S1PR3: variants seen among roughly 807,000 people sequenced by gnomAD.
The protein encoded by S1PR3 is sphingosine 1-phosphate receptor 3.
In S1PR3, 12 loss-of-function variants were observed where a neutral mutation model predicts 13.3. The observed-to-expected ratio is 0.90, with a 90% CI of 0.58 to 1.46. The LOEUF (loss-of-function observed/expected upper bound fraction) is 1.46. S1PR3 is among the 40% of genes most tolerant of loss of function. S1PR3 has a pLI of 0.00. For missense variants in S1PR3, 450 were observed against 501.9 expected (o/e 0.90, Z 0.99); for synonymous variants, 232 against 214.0 (o/e 1.08, Z -0.73).
At position 89,001,947 on chromosome 9, in the gene S1PR3, G is replaced by A. The variant is rs1483280515; in HGVS notation, c.747G>A (p.Val249=). 4 of 1,614,190 alleles carry A rather than the reference G, an allele frequency of 2.5e-6. No individual in the cohort carries two copies. The South Asian group carries it at 4.4e-5, about 18-fold the overall frequency. ...MALLRTVVIV[V]SVFIACWSPL... ...TGCTGCGGACCGTGGTGATTGTGGT[G>A]AGCGTGTTCATCGCCTGCTGGTCCC... Residue 249 remains valine (V), a synonymous_variant, in exon 2 of 2, where the codon GTG becomes GTA. Transcript: ENST00000358157.
rs140792776 is a variant in S1PR3 at position 89,001,220 on chromosome 9, C to T, written c.20C>T (p.Pro7Leu). The stretch of plus-strand genomic sequence containing the variant: ...CAAGTGATGGCAACTGCCCTCCCGC[C>T]GCGTCTCCAGCCGGTGCGGGGGAAC... The part of the protein sequence containing the change: MATALP[P>L]RLQPVRGNET... Residue 7 changes from proline to leucine, a missense_variant, in exon 2 of 2, where the codon CCG becomes CTG. Transcript: ENST00000358157. 1.4e-5 allele frequency: 22 copies of T among 1,612,858 alleles called. No individual in the cohort carries two copies. The East Asian group carries it at 2.0e-4, about 15-fold the overall frequency.
chr9:89,000,757 T>G (rs1825855309), intron 1 of S1PR3: 2 of 180,132 alleles, frequency 1.1e-5, no homozygotes, highest in Non-Finnish European at 1.2e-5. Context: ...CATTTTCTAG[T>G]GCCTGGAGAT....
At chr9:88,991,356 G>A (rs1399635991), upstream of S1PR3, 3 of 1,191,250 alleles carry the variant, frequency 2.5e-6, no homozygotes, top group African/African-American at 1.6e-5. This position sits in a 1 kb window ranked among gnomAD's most constrained non-coding sequence, Gnocchi z 4.0. Context: ...CGGGGGACGG[G>A]GAGAGGGGGG....
rs1414912782 is a variant in S1PR3, at chr9:89,004,551, T to C, written c.*2214T>C. 6.0e-6 allele frequency: 1 copy of C among 167,130 alleles called. No homozygotes were observed. The highest frequency in any genetic ancestry group is 1.5e-5 in the Non-Finnish European group (1 of 68,130). The allele number at this position is 167,130 out of a possible 1,614,324, so 10.4% of individuals were successfully genotyped here. ...GCTTTGGGAGACTTGGAGCTCTCTG[T>C]AGCTATTGTTCATAACACTTTGCTC... On this transcript the variant is annotated 3_prime_UTR_variant, in exon 2 of 2. Transcript: ENST00000358157.
intron 1 of S1PR3, 187 bp from the exon 2 acceptor site, chr9:89,000,867 G>T: frequency 3.1e-6 from 1 of 320,604 alleles, no homozygotes; most frequent in Non-Finnish European, 5.8e-6. Flanking sequence ...ACACCAAATC[G>T]CTTCCCATGG....
intron 1 of S1PR3, chr9:88,992,365 A>G (rs2118577261): frequency 4.3e-6 from 1 of 233,308 alleles, no homozygotes; most frequent in Non-Finnish European, 8.2e-6. Context: ...TTATATTTGG[A>G]TATAAGAGAG....
In S1PR3 at chr9:89,005,113, TTTCTTAGC is replaced by T. The variant is rs1825920719; in HGVS notation, c.*2777_*2784del. Reference sequence around the variant, plus strand: ...GTTGCAGGCTTGCTACCCACCTGTGTTTCTTAGCATTTCAGGAATTAAACCACATTCAG... The same window carrying T: ...GTTGCAGGCTTGCTACCCACCTGTGTATTTCAGGAATTAAACCACATTCAG... On this transcript the variant is annotated 3_prime_UTR_variant, in exon 2 of 2. Transcript: ENST00000358157. 1 of 156,492 alleles carries T rather than the reference TTTCTTAGC, an allele frequency of 6.4e-6. No homozygotes were observed. Among genetic ancestry groups the T allele is most frequent in the Non-Finnish European group, 1.5e-5 (1 of 68,058 alleles). The allele number at this position is 156,492 out of a possible 1,614,324, so 9.7% of individuals were successfully genotyped here.
In S1PR3 at chr9:89,001,464, C is replaced by A. The variant is rs752549324; in HGVS notation, c.264C>A (p.Ala88=). ...ACCTGGCTCTCTGCGACCTGCTGGC[C>A]GGCATCGCTTACAAGGTCAACATTC... The part of the protein sequence containing the change: ...IGNLALCDLL[A]GIAYKVNILM... Residue 88 remains alanine, a synonymous_variant, in exon 2 of 2, where the codon GCC becomes GCA. Transcript: ENST00000358157. 1.7e-5 allele frequency: 27 copies of A among 1,614,076 alleles called. No homozygotes were observed. The highest frequency in any genetic ancestry group is 2.3e-5 in the Non-Finnish European group (27 of 1,180,050).
chr9:88,991,273 G>C, upstream of S1PR3: 1 of 1,540,208 alleles, frequency 6.5e-7, no homozygotes, highest in Non-Finnish European at 8.8e-7. The surrounding 1 kb of genome is among the most constrained non-coding windows in gnomAD (Gnocchi z 4.0). Flanking sequence ...CCAGGCTAGG[G>C]GCGGGCGGGG....
chr9:88,991,500 A>G lies in S1PR3; in HGVS notation c.-343A>G. 2 of 1,548,076 alleles carry G rather than the reference A, an allele frequency of 1.3e-6. No individual in the cohort carries two copies. The highest frequency in any genetic ancestry group is 1.7e-6 in the Non-Finnish European group (2 of 1,146,014). ...GAGGAAGCCGGTTCCGGGGACGGGC[A>G]ACAGGGACTCAGGGACCAGAAGGCG... On this transcript the variant is annotated 5_prime_UTR_variant, in exon 1 of 2. Coordinates refer to ENST00000358157, the MANE Select transcript of S1PR3 (RefSeq NM_005226.4). This position sits in a 1 kb window ranked among gnomAD's most constrained non-coding sequence, Gnocchi z 4.0.
rs1194493632 is a variant in S1PR3 at position 89,002,746 on chromosome 9, T to C, written c.*409T>C. On this transcript the variant is annotated 3_prime_UTR_variant, in exon 2 of 2. Coordinates refer to ENST00000358157, the MANE Select transcript of S1PR3 (RefSeq NM_005226.4). ...ATGGATGCTTGTATATTCGTACATCTCTATGTTACACAGAATTTGTGTTGC... is the reference window on the plus strand; with the variant it reads ...ATGGATGCTTGTATATTCGTACATCCCTATGTTACACAGAATTTGTGTTGC... The C allele has an allele frequency of 8.5e-6, 2 of 234,304 alleles. No homozygotes were observed. Among genetic ancestry groups the C allele is most frequent in the Non-Finnish European group, 1.8e-5 (2 of 109,272 alleles). The allele number at this position is 234,304 out of a possible 1,614,324, so 14.5% of individuals were successfully genotyped here.
rs767386412 is a variant in S1PR3 at position 89,001,689 on chromosome 9, C to T, written c.489C>T (p.Leu163=). The T allele has an allele frequency of 5.2e-5, 84 of 1,614,120 alleles. No individual in the cohort carries two copies. The highest frequency in any genetic ancestry group is 6.6e-5 in the Non-Finnish European group (78 of 1,180,056). Residue 163 remains leucine (L), a synonymous_variant, in exon 2 of 2, where the codon CTC becomes CTT. Transcript: ENST00000358157. ...RVFLLIGMCW[L]IAFTLGALPI... The stretch of plus-strand genomic sequence containing the variant: ...TCCTCCTGATCGGGATGTGCTGGCT[C>T]ATTGCCTTCACGCTGGGCGCCCTGC...
Position 89,002,120 on chromosome 9 carries a change from G to C in S1PR3, c.920G>C (p.Arg307Pro). 1.2e-6 allele frequency: 2 copies of C among 1,613,798 alleles called. No individual in the cohort carries two copies. Among genetic ancestry groups the C allele is most frequent in the African/African-American group, 1.3e-5 (1 of 75,000 alleles). Reference protein sequence around the residue: ...IYTLASKEMRRAFFRLVCNCL... With the variant: ...IYTLASKEMRPAFFRLVCNCL... Reference sequence around the variant, plus strand: ...ACGCTGGCCAGCAAGGAGATGCGGCGGGCCTTCTTCCGTCTGGTCTGCAAC... The same window carrying C: ...ACGCTGGCCAGCAAGGAGATGCGGCCGGCCTTCTTCCGTCTGGTCTGCAAC... Residue 307 changes from arginine to proline, a missense_variant, in exon 2 of 2, where the codon CGG (arginine) becomes CCG (proline). Transcript: ENST00000358157.
rs1367574295 is a variant in S1PR3 at position 88,991,924 on chromosome 9, C to A, written c.-148+229C>A. ...GTTTACAACGGGCTGGAGCTGAATA[C>A]CTGGATGAAAGTGGAGAGGCTGTTC... On this transcript the variant is annotated intron_variant, in intron 1 of 1. Transcript: ENST00000358157. The surrounding 1 kb of genome is among the most constrained non-coding windows in gnomAD (Gnocchi z 4.0). 3.1e-6 allele frequency: 5 copies of A among 1,614,186 alleles called. No homozygotes were observed. The East Asian group carries it at 1.1e-4, about 36-fold the overall frequency.
upstream of S1PR3, chr9:88,991,268 C>A: frequency 7.8e-6 from 12 of 1,530,598 alleles, no homozygotes; most frequent in Non-Finnish European, 1.1e-5. The surrounding 1 kb of genome is among the most constrained non-coding windows in gnomAD (Gnocchi z 4.0). Context: ...GGGGTCCAGG[C>A]TAGGGGCGGG....
At position 89,005,008 on chromosome 9, in the gene S1PR3, C is replaced by T. The variant is rs973851418; in HGVS notation, c.*2671C>T. Reference sequence around the variant, plus strand: ...TAAAACCAAAAGCCTTTGTGGAAACCCACTCTTCGTAGTCCATGTGATGGG... The same window carrying T: ...TAAAACCAAAAGCCTTTGTGGAAACTCACTCTTCGTAGTCCATGTGATGGG... On this transcript the variant is annotated 3_prime_UTR_variant, in exon 2 of 2. Coordinates refer to ENST00000358157, the MANE Select transcript of S1PR3 (RefSeq NM_005226.4). The T allele has an allele frequency of 6.0e-6, 1 of 166,616 alleles. No homozygotes were observed. Among genetic ancestry groups the T allele is most frequent in the Admixed American group, 6.5e-5 (1 of 15,272 alleles). 10.3% of individuals were successfully genotyped at this position (166,616 alleles called of 1,614,324 possible).
Position 89,001,413 on chromosome 9 carries a change from C to T in S1PR3, c.213C>T (p.His71=), listed in dbSNP as rs1825864971. 6.2e-7 allele frequency: 1 copy of T among 1,614,246 alleles called. No homozygotes were observed. Among genetic ancestry groups the T allele is most frequent in the Non-Finnish European group, 8.5e-7 (1 of 1,180,046 alleles). Residue 71 remains histidine (H), a synonymous_variant, in exon 2 of 2, where the codon CAC becomes CAT. Transcript: ENST00000358157. ...CCATCTGGAAAAACAATAAATTTCACAACCGCATGTACTTTTTCATTGGCA... is the reference window on the plus strand; with the variant it reads ...CCATCTGGAAAAACAATAAATTTCATAACCGCATGTACTTTTTCATTGGCA... ...LIAIWKNNKF[H]NRMYFFIGNL...
chr9:89,000,147 G>A (rs1825850281), intron 1 of S1PR3: 1 of 152,242 alleles, frequency 6.6e-6, no homozygotes, highest in Non-Finnish European at 1.5e-5. Flanking sequence ...TTGAGTGCAA[G>A]TGTTTGAGGT....
chr9:88,990,890 C>T (rs1825680067), upstream of S1PR3: 4 of 1,420,868 alleles, frequency 2.8e-6, no homozygotes, highest in African/African-American at 2.9e-5. Flanking sequence ...CAGGCAGGCG[C>T]CGGAGGGGAC....
Sources: allele counts gnomAD v4.1 joint callset, GRCh38; gene constraint gnomAD v4.1.1; non-coding constraint Gnocchi (gnomAD v3.1); transcripts MANE v1.5; gene names NCBI Gene and HGNC (gene_info 2026-07-23, HGNC 2026-07-21).